RASA1: variants seen among roughly 807,000 people sequenced by gnomAD.
RASA1 encodes the protein ras GTPase-activating protein 1.
RASA1 carries 25 observed loss-of-function variants against 132.2 expected under a neutral mutation model. The ratio of observed to expected loss-of-function variants is 0.19; its 90% CI spans 0.14 to 0.26. The LOEUF is 0.26. RASA1 is among the 10% of genes least tolerant of loss of function. The pLI is 1.00. For missense variants in RASA1, 964 were observed against 1,299.2 expected, an observed-to-expected ratio of 0.74 and a Z score of 3.97; for synonymous variants, 477 against 449.9, an observed-to-expected ratio of 1.06 and a Z score of -0.76.
At position 87,332,586 on chromosome 5, in the gene RASA1, C is replaced by T. The variant is rs1265049054; in HGVS notation, c.772C>T (p.His258Tyr). ...GTCAGACCTAATAGGTTATTACAGT[C>T]ATGTTTCTTGTTTGCTTAAAGGAGA... is the stretch of plus-strand genomic sequence containing the variant. ...SLSDLIGYYS[H>Y]VSCLLKGEKL... Residue 258 changes from histidine to tyrosine, a missense_variant, in exon 3 of 25, where the codon CAT becomes TAT. Transcript: ENST00000274376. 2 of 1,609,998 alleles carry T rather than the reference C, an allele frequency of 1.2e-6. No homozygotes were observed. Among genetic ancestry groups the T allele is most frequent in the South Asian group, 1.1e-5 (1 of 90,858 alleles).
Position 87,353,172 on chromosome 5 carries a change from A to T in RASA1, c.1269A>T (p.Ile423=). 1 of 1,610,126 alleles carries T rather than the reference A, an allele frequency of 6.2e-7. No individual in the cohort carries two copies. Among genetic ancestry groups the T allele is most frequent in the Middle Eastern group, 1.7e-4 (1 of 6,032 alleles). ...ATTTTAACAGCATTGGGGACATCAT[A>T]GATCACTATCGAAAAGAACAGATTG... The part of the protein sequence containing the change: ...GRYYNSIGDI[I]DHYRKEQIVE... The change falls in exon 9 of 25, where the codon ATA becomes ATT. Residue 423 remains isoleucine, a synonymous_variant. Coordinates refer to ENST00000274376, the MANE Select transcript of RASA1 (RefSeq NM_002890.3).
At chr5:87,299,895 A>G (rs1030780240) in intron 1 of RASA1, 2 of 152,298 alleles carry the variant, frequency 1.3e-5, no homozygotes, top group Non-Finnish European at 2.9e-5. Context: ...AGAAACCTAT[A>G]TAGATGTTGA....
intron 23 of RASA1, 73 bp downstream of exon 23, chr5:87,386,976 C>A: frequency 7.5e-7 from 1 of 1,327,890 alleles, no homozygotes; most frequent in Non-Finnish European, 1.1e-6. Flanking sequence ...ATTTAAGCAG[C>A]AATCTTTAGA....
intron 1 of RASA1, among the ~76,000 whole-genome samples, chr5:87,306,577 T>C (rs116626555): frequency 0.012 from 1,774 of 152,158 alleles, 15 homozygotes; most frequent in Non-Finnish European, 0.016. Flanking sequence ...CATTTACTTA[T>C]GTAACAATCC....
intron 8 of RASA1, among the ~76,000 whole-genome samples, chr5:87,350,871 T>A (rs773842421): frequency 6.6e-6 from 1 of 151,696 alleles, no homozygotes; most frequent in Non-Finnish European, 1.5e-5. Flanking sequence ...AAGCCCCAAA[T>A]TATGTGAATC....
chr5:87,307,393 G>A (rs1277168631), intron 1 of RASA1, among the ~76,000 whole-genome samples: 2 of 152,024 alleles, frequency 1.3e-5, no homozygotes, highest in African/African-American at 4.8e-5. Flanking sequence ...CCCGGGAGGC[G>A]GAGCTTGCAG....
chr5:87,346,292 G>C (rs1758854241), intron 6 of RASA1, among the ~76,000 whole-genome samples: 1 of 151,838 alleles, frequency 6.6e-6, no homozygotes, highest in African/African-American at 2.4e-5. Flanking sequence ...GGAAAATTCA[G>C]AAATGAATTC....
At chr5:87,314,026 A>C (rs1411032064) in intron 1 of RASA1, among the ~76,000 whole-genome samples, 1 of 151,528 alleles carries the variant, frequency 6.6e-6, no homozygotes, top group Non-Finnish European at 1.5e-5. Context: ...AAAATGAGCC[A>C]GGCGTGGTGG....
chr5:87,287,700 A>C (rs1389255247), intron 1 of RASA1, among the ~76,000 whole-genome samples: 1 of 142,062 alleles, frequency 7.0e-6, no homozygotes, highest in Non-Finnish European at 1.5e-5. Context: ...GATATATACC[A>C]TATATGTACA....
At chr5:87,372,039 G>GGA (rs1760986307) in intron 12 of RASA1, 79 bp from the exon 13 acceptor site, 5 of 1,020,512 alleles carry the variant, frequency 4.9e-6, no homozygotes, top group African/African-American at 3.3e-5. Flanking sequence ...TGTTGAATTT[G>GGA]AAAAAAAAAA....
At chr5:87,341,128 A>G (rs1228655010) in intron 5 of RASA1, among the ~76,000 whole-genome samples, 162 bp from the exon 6 acceptor site, 1 of 152,056 alleles carries the variant, frequency 6.6e-6, no homozygotes, top group Non-Finnish European at 1.5e-5. Flanking sequence ...AAAGATTAAG[A>G]GAGGTTTGGA....
In RASA1 at chr5:87,268,258, C is replaced by T. The variant is rs564886606; in HGVS notation, c.-194C>T. 6.1e-6 allele frequency: 5 copies of T among 819,956 alleles called. No homozygotes were observed. The highest frequency in any genetic ancestry group is 6.2e-5 in the Admixed American group (2 of 32,220). 50.8% of individuals were successfully genotyped at this position (819,956 alleles called of 1,614,324 possible). Reference sequence around the variant, plus strand: ...TTTTTGCCCACTTGGCTTCCCGTAACCCAGGCAGCTGGGGAGCCTGGGCTG... The same window carrying T: ...TTTTTGCCCACTTGGCTTCCCGTAATCCAGGCAGCTGGGGAGCCTGGGCTG... On this transcript the variant is annotated 5_prime_UTR_variant, in exon 1 of 25. Transcript: ENST00000274376.
chr5:87,324,573 T>G (rs545385536), intron 1 of RASA1, among the ~76,000 whole-genome samples: 1 of 152,310 alleles, frequency 6.6e-6, no homozygotes, highest in African/African-American at 2.4e-5. Context: ...ATATGTTACC[T>G]GTTGAAAAAG....
intron 8 of RASA1, among the ~76,000 whole-genome samples, chr5:87,351,904 T>C (rs1027803818): frequency 6.6e-6 from 1 of 151,812 alleles, no homozygotes; most frequent in Non-Finnish European, 1.5e-5. Flanking sequence ...AGTGGATTGA[T>C]TGTATTTTAC....
rs577378791 is a variant in RASA1, at chr5:87,296,966, T to G, written c.539+27976T>G. Among the ~76,000 whole-genome samples the G allele has an allele frequency of 2.8e-4, 42 of 152,260 alleles. No individual in the cohort carries two copies. In the East Asian group the frequency reaches 6.8e-3, roughly 24 times the overall value. Reference sequence around the variant, plus strand: ...TCTACTCTTTCTTTTTCCTCTCTTTTTTTTCTTTGCTTTTCAGTTTTGGAA... The same window carrying G: ...TCTACTCTTTCTTTTTCCTCTCTTTGTTTTCTTTGCTTTTCAGTTTTGGAA... On this transcript the variant is annotated intron_variant, in intron 1 of 24. Transcript: ENST00000274376.
chr5:87,322,314 T>G (rs534283372), intron 1 of RASA1, among the ~76,000 whole-genome samples: 11 of 152,276 alleles, frequency 7.2e-5, no homozygotes, highest in African/African-American at 1.4e-4. Context: ...AGCAGCAGCA[T>G]TAGATTTTCA....
chr5:87,287,573 CACACCATATATAT>C (rs1423747428), intron 1 of RASA1, among the ~76,000 whole-genome samples: 1 of 148,466 alleles, frequency 6.7e-6, no homozygotes, highest in Non-Finnish European at 1.5e-5. Context: ...CATACATATA[CACACCATATATAT>C]ACACCATACA....
At chr5:87,319,314 G>C (rs376760008) in intron 1 of RASA1, among the ~76,000 whole-genome samples, 51 of 152,354 alleles carry the variant, frequency 3.3e-4, no homozygotes, top group South Asian at 8.3e-4. Context: ...GAGACTCTCT[G>C]TGAGGGTTCC....
intron 1 of RASA1, among the ~76,000 whole-genome samples, chr5:87,281,411 C>G (rs955658632): frequency 6.6e-6 from 1 of 151,738 alleles, no homozygotes; most frequent in Non-Finnish European, 1.5e-5. Flanking sequence ...AGTGCCAACA[C>G]TTTTTATTTT....
Sources: allele counts gnomAD v4.1 joint callset (sites outside exome capture counted in the v4.1 genomes callset), GRCh38; gene constraint gnomAD v4.1.1; transcripts MANE v1.5; gene names NCBI Gene and HGNC (gene_info 2026-07-23, HGNC 2026-07-21).